The following RTTN variants were observed in gnomAD, a reference collection of about 807,000 sequenced individuals.
The protein encoded by RTTN is rotatin.
In RTTN, 182 loss-of-function variants were observed where a neutral mutation model predicts 269.2. The observed-to-expected ratio is 0.68, with a 90% CI of 0.60 to 0.76. The LOEUF is 0.76. RTTN is among the 30% of genes least tolerant of loss of function. The probability of loss-of-function intolerance (pLI) is 0.00; values close to 1 mark genes in which losing one functional copy is unlikely to be tolerated. For synonymous variants in RTTN, 1,006 were observed against 963.5 expected, an observed-to-expected ratio of 1.04 and a Z score of -0.82; for missense variants, 2,545 against 2,608.6, an observed-to-expected ratio of 0.98 and a Z score of 0.53.
intron 46 of RTTN, among the ~76,000 whole-genome samples, chr18:70,013,087 C>T (rs2056439110): frequency 6.6e-6 from 1 of 152,136 alleles, no homozygotes; most frequent in South Asian, 2.1e-4. Flanking sequence ...CTATCTGATG[C>T]CCTTTGGTTG....
chr18:70,065,387 T>C (rs1484454548), intron 35 of RTTN, among the ~76,000 whole-genome samples: 1 of 152,036 alleles, frequency 6.6e-6, no homozygotes, highest in East Asian at 1.9e-4. Flanking sequence ...TCCCAAGTTG[T>C]ATATTGTGCA....
At chr18:70,024,523 C>T (rs1051750134) in intron 44 of RTTN, among the ~76,000 whole-genome samples, 199 bp downstream of exon 44, 23 of 152,304 alleles carry the variant, frequency 1.5e-4, no homozygotes, top group South Asian at 2.1e-4. Flanking sequence ...CTGCCAATGA[C>T]TCTCTCATGT....
intron 10 of RTTN, among the ~76,000 whole-genome samples, chr18:70,182,203 T>G (rs2061435839): frequency 6.6e-6 from 1 of 152,192 alleles, no homozygotes; most frequent in South Asian, 2.1e-4. Flanking sequence ...CATTTTAAAA[T>G]ATGCAGTTTG....
At chr18:70,124,336 G>A (rs756324271) in intron 25 of RTTN, among the ~76,000 whole-genome samples, 4 of 151,930 alleles carry the variant, frequency 2.6e-5, no homozygotes, top group Non-Finnish European at 4.4e-5. Context: ...TGACTTATGC[G>A]ATATGTGAGG....
intron 9 of RTTN, among the ~76,000 whole-genome samples, chr18:70,188,613 G>A (rs907546124): frequency 2.0e-5 from 3 of 152,204 alleles, no homozygotes; most frequent in Admixed American, 6.5e-5. Context: ...ACTAGAAGGC[G>A]TGAGCCTTCT....
At position 70,127,706 on chromosome 18, in the gene RTTN, A is replaced by T; in HGVS notation, c.3179T>A (p.Ile1060Asn). 6.2e-7 allele frequency: 1 copy of T among 1,612,384 alleles called. No individual in the cohort carries two copies. Among genetic ancestry groups the T allele is most frequent in the Admixed American group, 1.7e-5 (1 of 59,832 alleles). Residue 1060 changes from isoleucine (I) to asparagine (N), a missense_variant, in exon 25 of 49, where the codon ATC (isoleucine) becomes AAC (asparagine). Coordinates refer to ENST00000640769, the MANE Select transcript of RTTN (RefSeq NM_173630.4). The part of the protein sequence containing the change: ...LDALKLSTED[I>N]LTLKITHMAS... ...CATGTGTGTTATCTTCAGAGTGAGGATGTCCTCTGTAGATAACTTCAATGC... is the reference window on the plus strand; with the variant it reads ...CATGTGTGTTATCTTCAGAGTGAGGTTGTCCTCTGTAGATAACTTCAATGC...
intron 21 of RTTN, 97 bp downstream of exon 21, chr18:70,139,502 T>C: frequency 1.3e-6 from 1 of 744,366 alleles, no homozygotes; most frequent in East Asian, 2.6e-5. Context: ...GCTGTTGTTC[T>C]AATAGTAAAA....
At chr18:70,096,701 A>C (rs1030684167) in intron 28 of RTTN, among the ~76,000 whole-genome samples, 2 of 152,186 alleles carry the variant, frequency 1.3e-5, no homozygotes, top group African/African-American at 4.8e-5. Flanking sequence ...GCCAGATGCC[A>C]GCAGAGCTCT....
chr18:70,054,295 A>G lies in RTTN; in HGVS notation c.5032-11T>C, dbSNP rs766537748. On this transcript the variant is annotated splice_polypyrimidine_tract_variant and intron_variant, in intron 37 of 48. Coordinates refer to ENST00000640769, the MANE Select transcript of RTTN (RefSeq NM_173630.4). ...CAGGAGAAAGGAAACCTGTTTGAAA[A>G]GGAGACAGGGTCAAATCAAACATGC... 1.9e-6 allele frequency: 3 copies of G among 1,602,942 alleles called. No individual in the cohort carries two copies. Among genetic ancestry groups the G allele is most frequent in the Non-Finnish European group, 8.5e-7 (1 of 1,174,354 alleles).
intron 37 of RTTN, among the ~76,000 whole-genome samples, chr18:70,054,499 C>T (rs1374542789): frequency 1.3e-5 from 2 of 152,268 alleles, no homozygotes; most frequent in East Asian, 3.9e-4. Context: ...CCAAACAAAG[C>T]AATGTTTTCA....
chr18:70,158,487 A>G lies in RTTN; in HGVS notation c.1929+7575T>C, dbSNP rs150524608. Among the ~76,000 whole-genome samples, 488 of 152,328 alleles carry G rather than the reference A, an allele frequency of 3.2e-3. 1 individual carries two copies. The highest frequency in any genetic ancestry group is 5.3e-3 in the Non-Finnish European group (362 of 68,024). On this transcript the variant is annotated intron_variant, in intron 14 of 48. Coordinates refer to ENST00000640769, the MANE Select transcript of RTTN (RefSeq NM_173630.4). ...CAAAAGACCATTACCTGCCTCCACA[A>G]AAACACACTAAAATACATCTCCCAC...
rs546427392 is a variant in RTTN at position 70,055,522 on chromosome 18, A to G, written c.5032-1238T>C. On this transcript the variant is annotated intron_variant, in intron 37 of 48. Transcript: ENST00000640769. ...AATCTGCCAACTTACTTTATATAAA[A>G]GTGTAGGTGGCTCCAGGCTTCACAA... is the stretch of plus-strand genomic sequence containing the variant. 2.0e-5 allele frequency among the ~76,000 whole-genome samples: 3 copies of G among 152,194 alleles called. No homozygotes were observed. The South Asian group carries it at 6.2e-4, about 32-fold the overall frequency.
intron 14 of RTTN, among the ~76,000 whole-genome samples, chr18:70,162,653 T>A (rs1329976746): frequency 6.6e-6 from 1 of 151,900 alleles, no homozygotes; most frequent in Non-Finnish European, 1.5e-5. Flanking sequence ...AATTACCTCC[T>A]CCCACTGGGT....
In RTTN at chr18:70,036,490, T is replaced by C. The variant is rs539531685; in HGVS notation, c.5542-5509A>G. On this transcript the variant is annotated intron_variant, in intron 40 of 48. Transcript: ENST00000640769. The stretch of plus-strand genomic sequence containing the variant: ...TTCTCACTTATAAGTAGGAGCTAAA[T>C]GATGAGAGCACCGGGACACAAAGAG... 3.3e-5 allele frequency among the ~76,000 whole-genome samples: 5 copies of C among 152,184 alleles called. No individual in the cohort carries two copies. The South Asian group carries it at 1.0e-3, about 32-fold the overall frequency.
In RTTN at chr18:70,149,990, G is replaced by A. The variant is rs746720793; in HGVS notation, c.2153C>T (p.Pro718Leu). 2.3e-5 allele frequency: 37 copies of A among 1,609,056 alleles called. No individual in the cohort carries two copies. The highest frequency in any genetic ancestry group is 5.3e-5 in the African/African-American group (4 of 74,786). ...GAATACCTGTAGTATTGGGATGACA[G>A]GACAGAGAGATTCAATAAACTTGTT... ...TWNKFIESLC[P>L]VIPILQGYAD... The change falls in exon 16 of 49, where the codon CCT becomes CTT. Residue 718 changes from proline (P) to leucine (L), a missense_variant. Transcript: ENST00000640769.
Position 70,172,720 on chromosome 18 carries a change from T to C in RTTN, c.1477-3653A>G, listed in dbSNP as rs114132737. Among the ~76,000 whole-genome samples the C allele has an allele frequency of 5.0e-3, 765 of 152,268 alleles. 5 individuals carry two copies. Among genetic ancestry groups the C allele is most frequent in the African/African-American group, 0.017 (724 of 41,566 alleles). On this transcript the variant is annotated intron_variant, in intron 11 of 48. Coordinates refer to ENST00000640769, the MANE Select transcript of RTTN (RefSeq NM_173630.4). ...AAAAAAAAGCATGGAAAATTAACTT[T>C]ACATTATTCTGGCACTAAGTAAAAT... is the stretch of plus-strand genomic sequence containing the variant.
rs2060979551 is a variant in RTTN, at chr18:70,166,133, GAA to G, written c.1856_1857del (p.Leu619ProfsTer14). 4 of 1,613,698 alleles carry G rather than the reference GAA, an allele frequency of 2.5e-6. No individual in the cohort carries two copies. The highest frequency in any genetic ancestry group is 1.7e-5 in the Admixed American group (1 of 60,004). On this transcript the variant is annotated frameshift_variant, in exon 14 of 49. Transcript: ENST00000640769. LOFTEE classifies it high-confidence loss of function. ...PLLQGESQKV[L>X]LHMLSHPLPR... Reference sequence around the variant, plus strand: ...GGCAATGGGTGAGACAACATATGGAGAAGCACCTTCTGACTTTCTCCTTGTAG... The same window carrying G: ...GGCAATGGGTGAGACAACATATGGAGGCACCTTCTGACTTTCTCCTTGTAG...
At chr18:70,108,693 T>C (rs2059386187) in intron 28 of RTTN, among the ~76,000 whole-genome samples, 3 of 152,058 alleles carry the variant, frequency 2.0e-5, no homozygotes, top group Non-Finnish European at 4.4e-5. Context: ...TTTCGAGAAA[T>C]GCAAGGTTGT....
intron 10 of RTTN, among the ~76,000 whole-genome samples, chr18:70,186,917 G>C (rs10221331): frequency 0.038 from 5,712 of 152,196 alleles, 200 homozygotes; most frequent in African/African-American, 0.089. Context: ...TCGGGTACTA[G>C]GCTTATTACC....
Sources: gnomAD v4.1 joint callset for allele counts (sites outside exome capture counted in the v4.1 genomes callset) on GRCh38, gnomAD v4.1.1 for gene constraint, MANE v1.5 for transcripts, NCBI Gene and HGNC (gene_info 2026-07-23, HGNC 2026-07-21) for gene names.